Variants in CSMD1 observed in about 807,000 individuals in gnomAD.
The protein encoded by CSMD1 is CUB and sushi domain-containing protein 1.
Under a neutral mutation model 417.5 loss-of-function variants are expected in CSMD1, and 213 were observed. The ratio of observed to expected loss-of-function variants is 0.51; its 90% CI spans 0.46 to 0.57. The LOEUF is 0.57. Ranked by LOEUF, CSMD1 falls within the 20% of genes least tolerant of loss-of-function variation. The pLI, the probability that CSMD1 is intolerant of heterozygous loss-of-function variation, is 0.00. For missense variants in CSMD1, 6,923 were observed against 4,529.7 expected, an observed-to-expected ratio of 1.53 and a Z score of -15.17; for synonymous variants, 2,862 against 1,736.8, an observed-to-expected ratio of 1.65 and a Z score of -16.11.
At chr8:4,405,952 C>T (rs750139783) in intron 3 of CSMD1, among the ~76,000 whole-genome samples, 19 of 152,286 alleles carry the variant, frequency 1.2e-4, no homozygotes, top group Non-Finnish European at 1.2e-4. Context: ...TGAGTAATGC[C>T]TTCTGTTCTG....
chr8:3,630,369 C>A (rs935951732), intron 7 of CSMD1, among the ~76,000 whole-genome samples: 1 of 152,106 alleles, frequency 6.6e-6, no homozygotes, highest in Non-Finnish European at 1.5e-5. Flanking sequence ...AGAAGCCAAG[C>A]CCTCAGGAAG....
In CSMD1 at chr8:4,881,732, G is replaced by C. The variant is rs966000322; in HGVS notation, c.85+112600C>G. Reference sequence around the variant, plus strand: ...TATTTTGAATAAAAAGCATGCAGCAGTGGTCTTTTTCTTTAGAGACCACAC... The same window carrying C: ...TATTTTGAATAAAAAGCATGCAGCACTGGTCTTTTTCTTTAGAGACCACAC... On this transcript the variant is annotated intron_variant, in intron 1 of 69. Coordinates refer to ENST00000635120, the MANE Select transcript of CSMD1 (RefSeq NM_033225.6). Among the ~76,000 whole-genome samples, 9 of 151,838 alleles carry C rather than the reference G, an allele frequency of 5.9e-5. 1 individual carries two copies. Among genetic ancestry groups the C allele is most frequent in the African/African-American group, 2.2e-4 (9 of 41,258 alleles).
At chr8:4,652,758 C>A (rs149606312) in intron 1 of CSMD1, among the ~76,000 whole-genome samples, 3 of 152,162 alleles carry the variant, frequency 2.0e-5, no homozygotes, top group East Asian at 1.9e-4. Context: ...GGCACCAGGG[C>A]GGTTTTGTGG....
intron 2 of CSMD1, among the ~76,000 whole-genome samples, chr8:4,572,515 G>C (rs1014981361): frequency 1.3e-5 from 2 of 152,118 alleles, no homozygotes; most frequent in Non-Finnish European, 2.9e-5. Context: ...TGCCTTTGTG[G>C]GTAACCCAAC....
intron 5 of CSMD1, among the ~76,000 whole-genome samples, chr8:3,838,673 TATTATATAGTATAATATATAATA>T (rs1197909464): frequency 7.3e-5 from 7 of 96,170 alleles, no homozygotes; most frequent in African/African-American, 3.3e-4. Context: ...AATAAATTAA[TATTATATAGTATAATATATAATA>T]AATATTATAT....
At chr8:3,627,841 A>C (rs1796571214) in intron 7 of CSMD1, among the ~76,000 whole-genome samples, 2 of 152,218 alleles carry the variant, frequency 1.3e-5, no homozygotes, top group Non-Finnish European at 2.9e-5. Context: ...CTGATTTCAA[A>C]GCCCACATTG....
intron 3 of CSMD1, among the ~76,000 whole-genome samples, chr8:4,129,454 G>A (rs955267333): frequency 2.6e-5 from 4 of 152,134 alleles, no homozygotes; most frequent in African/African-American, 9.7e-5. Context: ...ACAGGTGCAT[G>A]GGAGATAAAA....
intron 5 of CSMD1, among the ~76,000 whole-genome samples, chr8:3,870,216 C>G (rs902368372): frequency 6.6e-6 from 1 of 152,138 alleles, no homozygotes; most frequent in African/African-American, 2.4e-5. Context: ...AACCATATTT[C>G]TCTTTCTAGC....
chr8:4,714,371 T>A (rs902862943), intron 1 of CSMD1, among the ~76,000 whole-genome samples: 1 of 152,076 alleles, frequency 6.6e-6, no homozygotes, highest in African/African-American at 2.4e-5. Context: ...TAAATTAATA[T>A]GTGTAAGAAA....
intron 12 of CSMD1, among the ~76,000 whole-genome samples, chr8:3,445,025 A>G (rs902054354): frequency 6.6e-6 from 1 of 152,222 alleles, no homozygotes; most frequent in Non-Finnish European, 1.5e-5. Context: ...GCCAAGTCAC[A>G]GAAACTTTCT....
At chr8:4,030,096 G>C (rs1797263781) in intron 4 of CSMD1, among the ~76,000 whole-genome samples, 1 of 152,112 alleles carries the variant, frequency 6.6e-6, no homozygotes, top group South Asian at 2.1e-4. Context: ...TGCTTTCATG[G>C]GCTGCTGTTA....
intron 10 of CSMD1, among the ~76,000 whole-genome samples, chr8:3,558,927 G>A (rs965369305): frequency 7.2e-5 from 11 of 152,136 alleles, no homozygotes; most frequent in African/African-American, 1.4e-4. Flanking sequence ...GCAGCACCAC[G>A]ATTCGAGGTC....
chr8:4,693,860 C>T (rs954938723), intron 1 of CSMD1, among the ~76,000 whole-genome samples: 6 of 52,676 alleles, frequency 1.1e-4, no homozygotes, highest in Non-Finnish European at 2.1e-4. Context: ...TTCTTTTTAA[C>T]TCTTCTATTT....
At chr8:3,114,692 G>A (rs1358864047) in intron 42 of CSMD1, among the ~76,000 whole-genome samples, 1 of 152,026 alleles carries the variant, frequency 6.6e-6, no homozygotes, top group African/African-American at 2.4e-5. Context: ...AAAATAAGGA[G>A]ACAGAGTTGC....
intron 20 of CSMD1, among the ~76,000 whole-genome samples, chr8:3,360,895 T>C (rs1809118651): frequency 6.6e-6 from 1 of 152,036 alleles, no homozygotes. Flanking sequence ...TCTGCTGAGT[T>C]TGTCACTGAG....
intron 23 of CSMD1, among the ~76,000 whole-genome samples, chr8:3,334,999 G>T (rs1466348064): frequency 6.6e-6 from 1 of 152,194 alleles, no homozygotes; most frequent in Non-Finnish European, 1.5e-5. Context: ...TGAAAAAAGT[G>T]AGTTAATTCT....
intron 2 of CSMD1, among the ~76,000 whole-genome samples, chr8:4,428,409 G>C (rs1483611459): frequency 6.6e-6 from 1 of 152,032 alleles, no homozygotes; most frequent in African/African-American, 2.4e-5. Context: ...AGTTCAATAG[G>C]AATACCTAAA....
intron 3 of CSMD1, among the ~76,000 whole-genome samples, chr8:4,077,788 A>T (rs990065949): frequency 3.3e-5 from 5 of 152,160 alleles, no homozygotes; most frequent in African/African-American, 2.4e-5. Flanking sequence ...AGCTCATTCC[A>T]AAAGTTGTTC....
chr8:4,106,395 G>A (rs189934185), intron 3 of CSMD1, among the ~76,000 whole-genome samples: 3 of 152,076 alleles, frequency 2.0e-5, no homozygotes, highest in African/African-American at 4.8e-5. Context: ...TAATTGATCT[G>A]GTAAATATTA....
Sources: allele counts gnomAD v4.1 joint callset (sites outside exome capture counted in the v4.1 genomes callset), GRCh38; gene constraint gnomAD v4.1.1; transcripts MANE v1.5; gene names NCBI Gene and HGNC (gene_info 2026-07-23, HGNC 2026-07-21).